AVEN: variants seen among roughly 807,000 people sequenced by gnomAD.
AVEN encodes apoptosis and caspase activation inhibitor, also known as cell death regulator Aven.
In AVEN, 41 loss-of-function variants were observed where a neutral mutation model predicts 38.1. The ratio of observed to expected loss-of-function variants is 1.08; its 90% confidence interval spans 0.84 to 1.40. AVEN has a LOEUF of 1.40. Among genes scored for constraint, AVEN ranks in the 40% most tolerant of loss-of-function variants. AVEN has a pLI of 0.00. For missense variants in AVEN, 605 were observed against 438.8 expected (o/e 1.38, Z -3.38); for synonymous variants, 206 against 171.8 (o/e 1.20, Z -1.56).
chr15:33,904,760 C>CAT (rs1892632756), intron 2 of AVEN, among the ~76,000 whole-genome samples: 1 of 151,040 alleles, frequency 6.6e-6, no homozygotes, highest in Non-Finnish European at 1.5e-5. Context: ...CATGCACACA[C>CAT]ATATATATGT....
At chr15:33,912,761 AG>A (rs1892961858) in intron 2 of AVEN, among the ~76,000 whole-genome samples, 1 of 152,244 alleles carries the variant, frequency 6.6e-6, no homozygotes, top group Admixed American at 6.5e-5. Flanking sequence ...TGGTGGCAAA[AG>A]GAAAAAACTG....
In AVEN at chr15:34,008,743, C is replaced by T. The variant is rs531763222; in HGVS notation, c.268-5534G>A. On this transcript the variant is annotated intron_variant, in intron 1 of 5. Coordinates refer to ENST00000306730, the MANE Select transcript of AVEN (RefSeq NM_020371.3). Reference sequence around the variant, plus strand: ...GACCTCGTGATCTGCCCGCTTCAGCCTCCCAAAGTGATGGGATTACAGGCG... The same window carrying T: ...GACCTCGTGATCTGCCCGCTTCAGCTTCCCAAAGTGATGGGATTACAGGCG... Among the ~76,000 whole-genome samples, 5 of 152,106 alleles carry T rather than the reference C, an allele frequency of 3.3e-5. No homozygotes were observed. The South Asian group carries it at 1.0e-3, about 32-fold the overall frequency.
chr15:33,858,213 T>G (rs1282576351), downstream of AVEN: 4 of 298,172 alleles, frequency 1.3e-5, no homozygotes, highest in African/African-American at 6.3e-5. Context: ...GACATTATTT[T>G]ATTTTTTTGA....
intron 2 of AVEN, among the ~76,000 whole-genome samples, chr15:33,885,142 G>A (rs1316032805): frequency 6.6e-6 from 1 of 152,084 alleles, no homozygotes; most frequent in Non-Finnish European, 1.5e-5. Context: ...AGTCACAAAT[G>A]AACTTTATAG....
chr15:34,058,555 AACACAC>A (rs3027963), intron 5 of AVEN, among the ~76,000 whole-genome samples: 2,340 of 143,274 alleles, frequency 0.016, 25 homozygotes, highest in Non-Finnish European at 0.026. Context: ...CTTTAATTCT[AACACAC>A]ACACACACAC....
At chr15:33,983,203 T>C (rs1225616276) in intron 2 of AVEN, among the ~76,000 whole-genome samples, 8 of 20,626 alleles carry the variant, frequency 3.9e-4, no homozygotes, top group African/African-American at 1.6e-3. Flanking sequence ...TGTGTGTGTA[T>C]ATATATATAT....
intron 2 of AVEN, among the ~76,000 whole-genome samples, chr15:33,987,776 G>T (rs1896540915): frequency 6.6e-6 from 1 of 152,206 alleles, no homozygotes; most frequent in Non-Finnish European, 1.5e-5. Context: ...TGGCAAACAA[G>T]CATGCCTAGA....
chr15:34,003,564 C>G (rs944645963), intron 1 of AVEN, among the ~76,000 whole-genome samples: 1 of 152,168 alleles, frequency 6.6e-6, no homozygotes, highest in Non-Finnish European at 1.5e-5. Context: ...AATCAACTCT[C>G]CCTTTCAATT....
At chr15:34,003,292 T>C (rs1464428942) in intron 1 of AVEN, 83 bp from the exon 2 acceptor site, 1 of 1,200,006 alleles carries the variant, frequency 8.3e-7, no homozygotes. Flanking sequence ...AAAAAGTACA[T>C]GGACATAACA....
At chr15:34,009,555 A>G (rs1567464529) in intron 1 of AVEN, among the ~76,000 whole-genome samples, 1 of 152,238 alleles carries the variant, frequency 6.6e-6, no homozygotes, top group Non-Finnish European at 1.5e-5. Flanking sequence ...AAAATAAAGA[A>G]AAAGCATAAA....
upstream of AVEN, among the ~76,000 whole-genome samples, chr15:34,041,241 C>G (rs2140804908): frequency 6.6e-6 from 1 of 152,272 alleles, no homozygotes; most frequent in East Asian, 1.9e-4. Flanking sequence ...CAGACATTGC[C>G]AAATGTTCCC....
chr15:33,904,561 G>A (rs956968445), intron 2 of AVEN, among the ~76,000 whole-genome samples: 3 of 151,762 alleles, frequency 2.0e-5, no homozygotes, highest in African/African-American at 7.3e-5. Context: ...ACAGGTGCCC[G>A]CCACCACGCC....
At chr15:33,956,119 C>T (rs1348737849) in intron 2 of AVEN, among the ~76,000 whole-genome samples, 1 of 152,180 alleles carries the variant, frequency 6.6e-6, no homozygotes, top group African/African-American at 2.4e-5. Context: ...CGGTGACCAG[C>T]ATTTGTAGTT....
intron 2 of AVEN, among the ~76,000 whole-genome samples, chr15:33,905,392 T>C (rs1892661458): frequency 6.6e-6 from 1 of 152,188 alleles, no homozygotes; most frequent in Admixed American, 6.5e-5. Context: ...GGGTGAGAGA[T>C]AATATACATA....
chr15:33,980,720 G>A (rs530700), intron 2 of AVEN, among the ~76,000 whole-genome samples: 123,214 of 152,124 alleles, frequency 0.81, 54,630 homozygotes, highest in Non-Finnish European at 0.98. Context: ...ATCTGTACAC[G>A]GAGAACCCCA....
In AVEN at chr15:34,038,886, C is replaced by T; in HGVS notation, c.161G>A (p.Gly54Asp). ...AGCGCCGCGGAAGCCCCGGCCACGG[C>T]CACGGCCCCGGCGTCCGCCTCCGTC... Reference protein sequence around the residue: ...GGDGGGRRGRGRGRGFRGARG... With the variant: ...GGDGGGRRGRDRGRGFRGARG... Residue 54 changes from glycine (G) to aspartate (D), a missense_variant, in exon 1 of 6, where the codon GGC becomes GAC. Physicochemically the swap from Gly to Asp is moderately conservative, Grantham distance 94. Coordinates refer to ENST00000306730, the MANE Select transcript of AVEN (RefSeq NM_020371.3). 1 of 1,139,706 alleles carries T rather than the reference C, an allele frequency of 8.8e-7. No homozygotes were observed. Among genetic ancestry groups the T allele is most frequent in the Non-Finnish European group, 1.1e-6 (1 of 933,400 alleles). The allele number at this position is 1,139,706 out of a possible 1,614,324, so 70.6% of individuals were successfully genotyped here.
intron 1 of AVEN, among the ~76,000 whole-genome samples, chr15:34,029,458 A>G (rs936090237): frequency 1.4e-5 from 2 of 144,980 alleles, no homozygotes; most frequent in Non-Finnish European, 3.0e-5. Context: ...AGGCAGGGGG[A>G]TCACTTGAGT....
At chr15:33,858,034 G>A, downstream of AVEN, 1 of 1,276,634 alleles carries the variant, frequency 7.8e-7, no homozygotes, top group Admixed American at 2.4e-5. Context: ...TAGTTACAGA[G>A]CACAGCAGAG....
Position 34,063,588 on chromosome 15 carries a change from A to G in AVEN, n.1127-156T>C. 2 of 1,613,850 alleles carry G rather than the reference A, an allele frequency of 1.2e-6. No individual in the cohort carries two copies. The highest frequency in any genetic ancestry group is 2.2e-5 in the South Asian group (2 of 91,088). ...GAAGCCATCCCAAGCCACTGGCCCA[A>G]GCGCCAATTGGGCCAAAGCTGAGCA... On this transcript the variant is annotated intron_variant and non_coding_transcript_variant, in intron 4 of 11. Transcript: ENST00000675287. This position sits in a 1 kb window ranked among gnomAD's most constrained non-coding sequence, Gnocchi z 4.1.
Sources: gnomAD v4.1 joint callset for allele counts (sites outside exome capture counted in the v4.1 genomes callset) on GRCh38, gnomAD v4.1.1 for gene constraint, Gnocchi (gnomAD v3.1) non-coding constraint, MANE v1.5 for transcripts, NCBI Gene and HGNC (gene_info 2026-07-23, HGNC 2026-07-21) for gene names.